Variants in FRMD4A observed in about 807,000 individuals in gnomAD.
FRMD4A encodes FERM domain-containing protein 4A.
A neutral mutation model predicts 129.1 loss-of-function variants in FRMD4A; 29 were observed. The ratio of observed to expected loss-of-function variants is 0.22; its 90% CI spans 0.17 to 0.31. The LOEUF is 0.31. Ranked by LOEUF, FRMD4A falls within the 10% of genes least tolerant of loss-of-function variation. The pLI is 1.00. For missense variants in FRMD4A, 1,272 were observed against 1,375.8 expected (o/e 0.92, Z 1.19); for synonymous variants, 634 against 571.6 (o/e 1.11, Z -1.56).
chr10:13,686,350 C>T (rs2085080929), intron 15 of FRMD4A, among the ~76,000 whole-genome samples: 1 of 152,276 alleles, frequency 6.6e-6, no homozygotes. Context: ...GAGCTGAACA[C>T]AGCCGCCATC....
intron 12 of FRMD4A, among the ~76,000 whole-genome samples, chr10:13,723,699 G>T: frequency 6.6e-6 from 1 of 152,216 alleles, no homozygotes; most frequent in African/African-American, 2.4e-5. Flanking sequence ...AACTGAGAGA[G>T]CATTTTTAGA....
intron 8 of FRMD4A, among the ~76,000 whole-genome samples, chr10:13,751,628 A>G (rs567234269): frequency 6.6e-6 from 1 of 152,150 alleles, no homozygotes; most frequent in Non-Finnish European, 1.5e-5. Context: ...CCACTTCGAC[A>G]TTTTCCCCAG....
rs377419203 is a variant in FRMD4A at position 13,666,345 on chromosome 10, G to C, written c.1375-20C>G. 2 of 1,565,656 alleles carry C rather than the reference G, an allele frequency of 1.3e-6. No individual in the cohort carries two copies. The highest frequency in any genetic ancestry group is 1.4e-5 in the African/African-American group (1 of 74,002). ...AGCTTCCTGTGGGAGGGAAAGCACC[G>C]GTTTGGGTTACTGGGGATGCTGAGC... On this transcript the variant is annotated intron_variant, in intron 17 of 24. Transcript: ENST00000357447.
At chr10:13,750,564 C>T (rs11258578) in intron 8 of FRMD4A, among the ~76,000 whole-genome samples, 2,900 of 152,112 alleles carry the variant, frequency 0.019, 97 homozygotes, top group African/African-American at 0.066. Context: ...TTGGGGGAGG[C>T]CGTGCACGAA....
chr10:14,088,768 A>G (rs1370410053), intron 2 of FRMD4A, among the ~76,000 whole-genome samples: 1 of 137,450 alleles, frequency 7.3e-6, no homozygotes, highest in African/African-American at 2.8e-5. Context: ...CCTGGGGGAC[A>G]GAGCAAGACT....
At chr10:14,302,007 G>C (rs574562282) in intron 2 of FRMD4A, among the ~76,000 whole-genome samples, 2 of 152,278 alleles carry the variant, frequency 1.3e-5, no homozygotes, top group South Asian at 2.1e-4. Context: ...CAAATCTGGG[G>C]AAAGAAAAGT....
At chr10:14,266,230 A>G (rs573938689) in intron 2 of FRMD4A, among the ~76,000 whole-genome samples, 26 of 152,218 alleles carry the variant, frequency 1.7e-4, no homozygotes, top group African/African-American at 6.3e-4. Flanking sequence ...CTACCGACTA[A>G]AAGCCAATAG....
At chr10:13,827,132 G>T (rs1003547362) in intron 3 of FRMD4A, among the ~76,000 whole-genome samples, 3 of 152,324 alleles carry the variant, frequency 2.0e-5, no homozygotes, top group East Asian at 1.9e-4. Context: ...AATTTCTACT[G>T]CAGGGCACAG....
intron 2 of FRMD4A, among the ~76,000 whole-genome samples, chr10:14,314,573 GC>G (rs1181456010): frequency 6.6e-6 from 1 of 152,090 alleles, no homozygotes; most frequent in Non-Finnish European, 1.5e-5. Flanking sequence ...TCCTCTTTCT[GC>G]TTTTGGACAC....
At chr10:14,177,191 GTTTGTT>G (rs759614192) in intron 2 of FRMD4A, among the ~76,000 whole-genome samples, 6 of 151,792 alleles carry the variant, frequency 4.0e-5, no homozygotes, top group Non-Finnish European at 5.9e-5. Flanking sequence ...CCTTCTTTTT[GTTTGTT>G]TTTGTTTTTG....
rs1035634801 is a variant in FRMD4A, at chr10:13,654,782, G to C, written c.2954-270C>G. ...TTCATTCTGAGTCAAGCTGACCTGG[G>C]ATCCTAGGTCCCCGCTTTGCCACCA... On this transcript the variant is annotated intron_variant, in intron 22 of 24. Coordinates refer to ENST00000357447, the MANE Select transcript of FRMD4A (RefSeq NM_018027.5). 25 of 497,938 alleles carry C rather than the reference G, an allele frequency of 5.0e-5. No homozygotes were observed. The East Asian group carries it at 8.3e-4, about 17-fold the overall frequency. The allele number at this position is 497,938 out of a possible 1,614,324, so 30.8% of individuals were successfully genotyped here. A position where few individuals can be genotyped will look rare whatever the true frequency, so the allele number is the denominator to read the frequency against.
intron 2 of FRMD4A, among the ~76,000 whole-genome samples, chr10:13,882,126 A>T (rs1439929223): frequency 6.6e-6 from 1 of 151,950 alleles, no homozygotes; most frequent in Non-Finnish European, 1.5e-5. Context: ...ACTGTGGTCT[A>T]CGAAGAATGC....
chr10:13,729,193 G>A (rs1290286339), intron 12 of FRMD4A, among the ~76,000 whole-genome samples: 2 of 10,338 alleles, frequency 1.9e-4, no homozygotes, highest in African/African-American at 3.8e-4. Flanking sequence ...GATAACATAC[G>A]AGAAGGCCCT....
chr10:13,906,046 C>T (rs185456795), intron 2 of FRMD4A, among the ~76,000 whole-genome samples: 14 of 152,292 alleles, frequency 9.2e-5, no homozygotes, highest in Admixed American at 7.2e-4. Context: ...CAGGGCCGAG[C>T]CCCATGATGA....
chr10:13,971,781 C>A, intron 2 of FRMD4A: 10 of 1,304,322 alleles, frequency 7.7e-6, no homozygotes, highest in Non-Finnish European at 1.0e-5. Flanking sequence ...TCCTCAGAGC[C>A]AAGCAGCCCA....
intron 2 of FRMD4A, among the ~76,000 whole-genome samples, chr10:14,131,458 G>A (rs1382289341): frequency 2.7e-5 from 4 of 148,550 alleles, no homozygotes; most frequent in Non-Finnish European, 3.0e-5. Flanking sequence ...ACCCAGCCTC[G>A]AAGATGAAGT....
intron 3 of FRMD4A, among the ~76,000 whole-genome samples, chr10:13,817,068 C>A (rs753723565): frequency 2.6e-5 from 4 of 152,164 alleles, no homozygotes; most frequent in Non-Finnish European, 5.9e-5. Flanking sequence ...TCTCCTGATA[C>A]CTGACAAATA....
intron 3 of FRMD4A, among the ~76,000 whole-genome samples, chr10:13,811,455 C>T (rs1045085345): frequency 6.6e-6 from 1 of 151,022 alleles, no homozygotes; most frequent in African/African-American, 2.4e-5. Context: ...TTTAGTAATC[C>T]CAGCTACTTG....
intron 3 of FRMD4A, among the ~76,000 whole-genome samples, chr10:13,819,257 G>A (rs2093593474): frequency 6.6e-6 from 1 of 152,116 alleles, no homozygotes. Context: ...CTTTTGCCCA[G>A]TTCCCTACAA....
Sources: allele counts gnomAD v4.1 joint callset (sites outside exome capture counted in the v4.1 genomes callset), GRCh38; gene constraint gnomAD v4.1.1; transcripts MANE v1.5; gene names NCBI Gene and HGNC (gene_info 2026-07-23, HGNC 2026-07-21).